Variants in ZNF69 observed in about 807,000 individuals in gnomAD.
ZNF69 encodes ZNF3.
A neutral mutation model predicts 50.9 loss-of-function variants in ZNF69; 47 were observed. The ratio of observed to expected loss-of-function variants is 0.92; its 90% confidence interval spans 0.73 to 1.18. The LOEUF (loss-of-function observed/expected upper bound fraction) is 1.18. ZNF69 is among the 50% of genes most tolerant of loss of function. ZNF69 has a pLI of 0.00. For synonymous variants in ZNF69, 216 were observed against 223.1 expected (o/e 0.97, Z 0.29); for missense variants, 717 against 675.1 (o/e 1.06, Z -0.69).
At chr19:11,900,906 C>T (rs185828694) in intron 1 of ZNF69, among the ~76,000 whole-genome samples, 3 of 152,252 alleles carry the variant, frequency 2.0e-5, no homozygotes, top group Admixed American at 1.3e-4. Context: ...AATCCAAGGT[C>T]GTCTTGGTTT....
intron 4 of ZNF69, among the ~76,000 whole-genome samples, chr19:11,913,136 G>A (rs1434461139): frequency 2.6e-5 from 4 of 151,906 alleles, no homozygotes; most frequent in African/African-American, 4.8e-5. Context: ...GGCAGAGCTT[G>A]CAGTGAGCCA....
chr19:11,916,556 A>C (rs1972524196), downstream of ZNF69, among the ~76,000 whole-genome samples: 2 of 152,252 alleles, frequency 1.3e-5, no homozygotes, highest in African/African-American at 2.4e-5. Context: ...CGGAGGTTGC[A>C]GTGAGCCAAG....
At chr19:11,891,006 A>C (rs1213146479) in intron 1 of ZNF69, among the ~76,000 whole-genome samples, 1 of 152,202 alleles carries the variant, frequency 6.6e-6, no homozygotes, top group East Asian at 1.9e-4. Flanking sequence ...CTCTAAAATT[A>C]GAAGTTAAGT....
chr19:11,964,171 A>G, the ZNF69 span, among the ~76,000 whole-genome samples: 1 of 152,202 alleles, frequency 6.6e-6, no homozygotes, highest in African/African-American at 2.4e-5. Flanking sequence ...GCCCTCCCCT[A>G]CAAGTGGCCT....
the ZNF69 span, among the ~76,000 whole-genome samples, chr19:11,935,987 T>G: frequency 6.6e-6 from 1 of 152,192 alleles, no homozygotes; most frequent in South Asian, 2.1e-4. Context: ...GATAGTCTGC[T>G]GAGTATGATG....
the ZNF69 span, chr19:11,977,110 A>G: frequency 6.2e-7 from 1 of 1,614,194 alleles, no homozygotes; most frequent in Non-Finnish European, 8.5e-7. Context: ...TATTTCGCAG[A>G]GGAAACTCTA....
At chr19:11,923,497 C>T in the ZNF69 span, among the ~76,000 whole-genome samples, 3 of 152,190 alleles carry the variant, frequency 2.0e-5, no homozygotes, top group African/African-American at 7.2e-5. Flanking sequence ...GCCCTAGAGC[C>T]GCACTGCTGC....
At chr19:11,925,113 C>G in the ZNF69 span, 1 of 1,470,816 alleles carries the variant, frequency 6.8e-7, no homozygotes, top group Non-Finnish European at 9.4e-7. Flanking sequence ...CTTTCCTCAC[C>G]TTCCTCGCTG....
At chr19:11,955,415 A>G in the ZNF69 span, among the ~76,000 whole-genome samples, 1 of 131,208 alleles carries the variant, frequency 7.6e-6, no homozygotes, top group African/African-American at 2.9e-5. Flanking sequence ...TTTTTTTGAG[A>G]CAAGGTCTGG....
the ZNF69 span, among the ~76,000 whole-genome samples, chr19:11,972,924 T>TC: frequency 6.8e-6 from 1 of 146,106 alleles, no homozygotes; most frequent in South Asian, 2.1e-4. Flanking sequence ...AGACCCTGTT[T>TC]CAAAAAAAAA....
chr19:11,903,359 G>T (rs1344826618), intron 1 of ZNF69, among the ~76,000 whole-genome samples: 1 of 152,194 alleles, frequency 6.6e-6, no homozygotes, highest in Non-Finnish European at 1.5e-5. Flanking sequence ...AGTGAGCCGA[G>T]ATCACGCCAT....
At chr19:11,978,178 C>T in the ZNF69 span, 1 of 1,613,920 alleles carries the variant, frequency 6.2e-7, no homozygotes, top group Admixed American at 1.7e-5. Flanking sequence ...GAAACTTTTA[C>T]CCAGGTTCCA....
chr19:11,938,574 T>C, the ZNF69 span, among the ~76,000 whole-genome samples: 1 of 152,228 alleles, frequency 6.6e-6, no homozygotes, highest in African/African-American at 2.4e-5. Flanking sequence ...TCATCCTTTT[T>C]TGTGGCTGCA....
chr19:11,932,879 C>T, the ZNF69 span, among the ~76,000 whole-genome samples: 3 of 148,142 alleles, frequency 2.0e-5, no homozygotes, highest in South Asian at 2.1e-4. Flanking sequence ...CCTCGTGATC[C>T]GCCTGCCTCA....
chr19:11,914,161 C>G (rs1233606594), exon 5 of ZNF69: 1 of 152,086 alleles, frequency 6.6e-6, no homozygotes, highest in Admixed American at 6.6e-5. Flanking sequence ...ACTAAAAATA[C>G]AAAAATTAGC....
the ZNF69 span, among the ~76,000 whole-genome samples, chr19:11,961,922 T>TACACACACACACACACAC: frequency 6.9e-6 from 1 of 144,974 alleles, no homozygotes; most frequent in Non-Finnish European, 1.5e-5. Flanking sequence ...TGGCCTCTTT[T>TACACACACACACACACAC]ACACACACAC....
chr19:11,902,076 G>A (rs941443228), intron 1 of ZNF69, among the ~76,000 whole-genome samples: 5 of 145,660 alleles, frequency 3.4e-5, no homozygotes, highest in Admixed American at 7.1e-5. Flanking sequence ...CCTGCCTCCC[G>A]GGTTCAAGCA....
At chr19:11,974,086 TTTC>T in the ZNF69 span, among the ~76,000 whole-genome samples, 1 of 69,410 alleles carries the variant, frequency 1.4e-5, no homozygotes, top group African/African-American at 6.1e-5. Flanking sequence ...TCTTTCTTTC[TTTC>T]TTTCTTTCTT....
chr19:11,952,179 C>CA, the ZNF69 span, among the ~76,000 whole-genome samples: 11,288 of 150,002 alleles, frequency 0.075, 1,032 homozygotes, highest in African/African-American at 0.22. Flanking sequence ...AACTCCATCT[C>CA]AAAAAAAAAG....
Sources: gnomAD v4.1 joint callset for allele counts (sites outside exome capture counted in the v4.1 genomes callset) on GRCh38, gnomAD v4.1.1 for gene constraint, MANE v1.5 for transcripts, NCBI Gene and HGNC (gene_info 2026-07-23, HGNC 2026-07-21) for gene names.